Variants in HECTD4 observed in about 807,000 individuals in gnomAD.
HECTD4 encodes probable E3 ubiquitin-protein ligase HECTD4.
Under a neutral mutation model 471.5 loss-of-function variants are expected in HECTD4, and 114 were observed. That is an observed-to-expected ratio of 0.24 (90% CI 0.21 to 0.28). HECTD4 has a LOEUF of 0.28. Among genes scored for constraint, HECTD4 ranks in the 10% least tolerant of loss-of-function variants. HECTD4 has a pLI of 1.00. For synonymous variants in HECTD4, 2,012 were observed against 2,256.0 expected, an observed-to-expected ratio of 0.89 and a Z score of 3.07; for missense variants, 3,866 against 5,651.5, an observed-to-expected ratio of 0.68 and a Z score of 10.13.
Position 112,184,915 on chromosome 12 carries a change from T to C in HECTD4, c.10051A>G (p.Met3351Val). 6.2e-7 allele frequency: 1 copy of C among 1,613,672 alleles called. No homozygotes were observed. Among genetic ancestry groups the C allele is most frequent in the Non-Finnish European group, 8.5e-7 (1 of 1,179,728 alleles). ...LSIGGSKPEDMLWFHRALTLL... is the reference protein window; with the variant it reads ...LSIGGSKPEDVLWFHRALTLL... ...GTGAGTGCGCGGTGGAACCACAGCA[T>C]GTCCTCGGGCTTGCTGCCTCCGATG... Residue 3351 changes from methionine (M) to valine (V), a missense_variant, in exon 61 of 76, where the codon ATG (methionine) becomes GTG (valine). Met to Val is a conservative substitution (Grantham distance 21, BLOSUM62 1). Transcript: ENST00000682272. The surrounding 1 kb of genome is among the most constrained non-coding windows in gnomAD (Gnocchi z 9.1).
intron 1 of HECTD4, among the ~76,000 whole-genome samples, chr12:112,344,732 A>G (rs1037462900): frequency 2.6e-5 from 4 of 152,122 alleles, no homozygotes; most frequent in Admixed American, 2.0e-4. Flanking sequence ...CAGCCTGACC[A>G]ACATGGTGAA....
Position 112,217,114 on chromosome 12 carries a change from T to C in HECTD4, c.7156A>G (p.Thr2386Ala), listed in dbSNP as rs1593940321. The change falls in exon 46 of 76, where the codon ACC (threonine) becomes GCC (alanine). Residue 2386 changes from threonine (T) to alanine (A), a missense_variant. Thr to Ala is a moderately conservative substitution (Grantham distance 58, BLOSUM62 0). Transcript: ENST00000682272. ...CMFSSHLTSV[T>A]FLADPSAGGG... is the part of the protein sequence containing the mutation. Reference sequence around the variant, plus strand: ...CCAGCGCTGGGGTCAGCCAGGAAGGTGACTGAGGTAAGGTGAGATGAGAAC... The same window carrying C: ...CCAGCGCTGGGGTCAGCCAGGAAGGCGACTGAGGTAAGGTGAGATGAGAAC... 2 of 1,592,972 alleles carry C rather than the reference T, an allele frequency of 1.3e-6. No individual in the cohort carries two copies. Among genetic ancestry groups the C allele is most frequent in the Non-Finnish European group, 1.7e-6 (2 of 1,169,906 alleles).
chr12:112,182,993 T>A, intron 62 of HECTD4, 66 bp downstream of exon 62: 1 of 1,194,364 alleles, frequency 8.4e-7, no homozygotes, highest in East Asian at 2.3e-5. Context: ...TAATGCAGAT[T>A]TTTTTCTGTG....
At chr12:112,178,782 G>T in intron 64 of HECTD4, 149 bp downstream of exon 64, 1 of 896,224 alleles carries the variant, frequency 1.1e-6, no homozygotes, top group Non-Finnish European at 1.6e-6. Flanking sequence ...TGATCGGGCC[G>T]CTGCACTCCA....
intron 9 of HECTD4, among the ~76,000 whole-genome samples, chr12:112,277,269 G>A (rs2034545381): frequency 6.6e-6 from 1 of 152,198 alleles, no homozygotes; most frequent in Admixed American, 6.5e-5. Flanking sequence ...ATGAAGTACT[G>A]ATTCATGCTG....
At chr12:112,190,016 A>C (rs1480411684) in intron 60 of HECTD4, among the ~76,000 whole-genome samples, 1 of 152,188 alleles carries the variant, frequency 6.6e-6, no homozygotes, top group African/African-American at 2.4e-5. Flanking sequence ...GGCCTCCCAA[A>C]GTGCTGGGAT....
chr12:112,171,441 G>A, intron 67 of HECTD4, 178 bp from the exon 68 acceptor site: 2 of 991,236 alleles, frequency 2.0e-6, no homozygotes, highest in South Asian at 3.3e-5. Context: ...ATGCCAAGCA[G>A]ACACAAAGGG....
chr12:112,317,788 G>A (rs986254256), intron 2 of HECTD4, among the ~76,000 whole-genome samples: 8 of 152,066 alleles, frequency 5.3e-5, no homozygotes, highest in South Asian at 2.1e-4. Flanking sequence ...AGACCAGCCT[G>A]GGCAACAAGG....
intron 1 of HECTD4, among the ~76,000 whole-genome samples, chr12:112,360,942 C>T (rs1466099490): frequency 6.6e-6 from 1 of 151,202 alleles, no homozygotes; most frequent in Non-Finnish European, 1.5e-5. Context: ...TGAGATCGCG[C>T]CATTGCACTC....
At chr12:112,345,715 G>A (rs2036135794) in intron 1 of HECTD4, among the ~76,000 whole-genome samples, 1 of 152,110 alleles carries the variant, frequency 6.6e-6, no homozygotes, top group Non-Finnish European at 1.5e-5. Flanking sequence ...CTAACACAGT[G>A]AAACCCCGTC....
chr12:112,274,463 T>C (rs935269777), intron 10 of HECTD4, among the ~76,000 whole-genome samples: 1 of 152,208 alleles, frequency 6.6e-6, no homozygotes, highest in Non-Finnish European at 1.5e-5. Context: ...CCCAGCACTT[T>C]GGGAGGCCAA....
Position 112,193,730 on chromosome 12 carries a change from A to G in HECTD4, c.8750-56T>C. 4 of 1,489,582 alleles carry G rather than the reference A, an allele frequency of 2.7e-6. No individual in the cohort carries two copies. Among genetic ancestry groups the G allele is most frequent in the Admixed American group, 1.9e-5 (1 of 52,130 alleles). The allele number at this position is 1,489,582 out of a possible 1,614,324, so 92.3% of individuals were successfully genotyped here. ...AGAATCAAAGCAGCCAGTAGCTGTG[A>G]GAGTCTAAGTAACAGAAAATGAATA... is the stretch of plus-strand genomic sequence containing the variant. On this transcript the variant is annotated intron_variant, in intron 56 of 75. Transcript: ENST00000682272. This position sits in a 1 kb window ranked among gnomAD's most constrained non-coding sequence, Gnocchi z 5.2.
At chr12:112,373,396 G>C (rs2036719917) in intron 1 of HECTD4, among the ~76,000 whole-genome samples, 1 of 151,972 alleles carries the variant, frequency 6.6e-6, no homozygotes, top group Non-Finnish European at 1.5e-5. Flanking sequence ...AGCCAGGTGT[G>C]GTGGCACGGG....
intron 1 of HECTD4, among the ~76,000 whole-genome samples, chr12:112,332,606 T>C (rs985595114): frequency 6.0e-5 from 9 of 150,680 alleles, no homozygotes; most frequent in Non-Finnish European, 1.3e-4. Flanking sequence ...AGGTCTAGGA[T>C]ATTGCCCTGG....
rs1316130093 is a variant in HECTD4 at position 112,193,062 on chromosome 12, CTT to C, written c.9083_9084del (p.Lys3028ArgfsTer53). On this transcript the variant is annotated frameshift_variant and splice_region_variant, in exon 58 of 76. Transcript: ENST00000682272. LOFTEE classifies it high-confidence loss of function. The surrounding 1 kb of genome is among the most constrained non-coding windows in gnomAD (Gnocchi z 5.2). Reference protein sequence around the residue: ...SCKESQSGFRKDSSLYKAPWA... With the variant: ...SCKESQSGFRXDSSLYKAPWA... ...TCTTCTTGAGAACAGGCAACTTACT[CTT>C]TGCGGAATCCAGATTGACTTTCTTT... The C allele has an allele frequency of 6.2e-7, 1 of 1,614,040 alleles. No homozygotes were observed. The highest frequency in any genetic ancestry group is 1.1e-5 in the South Asian group (1 of 91,080).
In HECTD4 at chr12:112,364,416, A is replaced by T. The variant is rs200022083; in HGVS notation, c.177+17536T>A. 4.0e-3 allele frequency among the ~76,000 whole-genome samples: 603 copies of T among 151,604 alleles called. 1 individual carries two copies. The highest frequency in any genetic ancestry group is 0.01 in the Admixed American group (158 of 15,200). ...AGCAAGACTCTCTCTCTCAAAAAAA[A>T]AAAAAAATAAATAAATAAAAGGCAA... On this transcript the variant is annotated intron_variant, in intron 1 of 75. Coordinates refer to ENST00000682272, the MANE Select transcript of HECTD4 (RefSeq NM_001388303.1).
At position 112,309,649 on chromosome 12, in the gene HECTD4, G is replaced by A; in HGVS notation, c.937C>T (p.Leu313Phe). 6.5e-7 allele frequency: 1 copy of A among 1,529,590 alleles called. No homozygotes were observed. The highest frequency in any genetic ancestry group is 1.4e-5 in the African/African-American group (1 of 73,014). 94.8% of individuals were successfully genotyped at this position (1,529,590 alleles called of 1,614,324 possible). Residue 313 changes from leucine to phenylalanine, a missense_variant, in exon 5 of 76, where the codon CTC becomes TTC. By Grantham distance (22) the Leu-to-Phe change is conservative. This residue lies in a region of HECTD4 where 440 missense variants were observed against 636.0 expected (regional missense o/e 0.69). Transcript: ENST00000682272. ...TACAGGTAAAGACCATCTGCCGTGA[G>A]ACAGCGTCCCAAGTCAGCATCTGAA... ...ENKDADLGRCLTADGLYLYTT... is the reference protein window; with the variant it reads ...ENKDADLGRCFTADGLYLYTT...
intron 7 of HECTD4, among the ~76,000 whole-genome samples, chr12:112,298,353 T>A (rs574795086): frequency 1.3e-5 from 2 of 152,262 alleles, no homozygotes; most frequent in East Asian, 3.9e-4. Context: ...GCCCCTTTTA[T>A]TACACAGCAG....
At chr12:112,315,209 G>A (rs1204237657) in intron 2 of HECTD4, among the ~76,000 whole-genome samples, 3 of 152,118 alleles carry the variant, frequency 2.0e-5, no homozygotes, top group Admixed American at 6.6e-5. Flanking sequence ...TTACCTGGCC[G>A]CATCCCAAGT....
Sources: gnomAD v4.1 joint callset for allele counts (sites outside exome capture counted in the v4.1 genomes callset) on GRCh38, gnomAD v4.1.1 for gene constraint, gnomAD v4.1.1 regional missense constraint, Gnocchi (gnomAD v3.1) non-coding constraint, MANE v1.5 for transcripts, NCBI Gene and HGNC (gene_info 2026-07-23, HGNC 2026-07-21) for gene names.